Variants in HS3ST4 observed in about 807,000 individuals in gnomAD.
HS3ST4 encodes the protein heparan sulfate-glucosamine 3-sulfotransferase 4.
HS3ST4 carries 17 observed loss-of-function variants against 29.2 expected under a neutral mutation model. That is an observed-to-expected ratio of 0.58 (90% CI 0.40 to 0.87). The LOEUF is 0.87. Among genes scored for constraint, HS3ST4 ranks in the 40% least tolerant of loss-of-function variants. The pLI, the probability that HS3ST4 is intolerant of heterozygous loss-of-function variation, is 0.00. For synonymous variants in HS3ST4, 314 were observed against 285.7 expected, an observed-to-expected ratio of 1.10 and a Z score of -1.00; for missense variants, 627 against 634.5, an observed-to-expected ratio of 0.99 and a Z score of 0.13.
At chr16:26,108,890 A>G (rs748878023) in intron 1 of HS3ST4, among the ~76,000 whole-genome samples, 7 of 152,112 alleles carry the variant, frequency 4.6e-5, no homozygotes, top group Non-Finnish European at 8.8e-5. Context: ...GAATAAACGT[A>G]TGTTAGGTGT....
At chr16:25,836,524 T>C (rs117140240) in intron 1 of HS3ST4, among the ~76,000 whole-genome samples, 2,452 of 152,224 alleles carry the variant, frequency 0.016, 22 homozygotes, top group Middle Eastern at 0.024. Flanking sequence ...TAACAAATAA[T>C]TATAAATAAA....
At chr16:25,860,583 C>T (rs1013418823) in intron 1 of HS3ST4, among the ~76,000 whole-genome samples, 1 of 152,000 alleles carries the variant, frequency 6.6e-6, no homozygotes. Context: ...TATGAAGGAA[C>T]CTTAAATGCA....
intron 1 of HS3ST4, among the ~76,000 whole-genome samples, chr16:26,047,093 C>G (rs924780422): frequency 6.6e-6 from 1 of 152,162 alleles, no homozygotes; most frequent in Admixed American, 6.5e-5. Flanking sequence ...TTGCTGTGTT[C>G]CACAACTGGG....
At chr16:25,928,916 T>C (rs1051179717) in intron 1 of HS3ST4, among the ~76,000 whole-genome samples, 2 of 152,336 alleles carry the variant, frequency 1.3e-5, no homozygotes, top group Non-Finnish European at 2.9e-5. Flanking sequence ...TGGGATACTT[T>C]ACGTTGTATC....
intron 1 of HS3ST4, among the ~76,000 whole-genome samples, chr16:25,977,200 A>G (rs1437852839): frequency 1.3e-5 from 2 of 152,186 alleles, no homozygotes; most frequent in East Asian, 3.8e-4. Flanking sequence ...AATGAGGACT[A>G]ATTCTCGCTT....
intron 1 of HS3ST4, among the ~76,000 whole-genome samples, chr16:25,756,952 C>T (rs563558106): frequency 6.6e-6 from 1 of 152,308 alleles, no homozygotes; most frequent in African/African-American, 2.4e-5. Context: ...ATACATACGT[C>T]TTATCTCTTT....
At chr16:26,114,933 CTTTGGTCTT>C (rs1372722975) in intron 1 of HS3ST4, among the ~76,000 whole-genome samples, 3 of 152,110 alleles carry the variant, frequency 2.0e-5, no homozygotes, top group Admixed American at 1.3e-4. Flanking sequence ...AAGTCGCTCA[CTTTGGTCTT>C]ATTTGTCATA....
At chr16:25,821,922 T>G (rs1327797770) in intron 1 of HS3ST4, among the ~76,000 whole-genome samples, 2 of 152,216 alleles carry the variant, frequency 1.3e-5, no homozygotes, top group African/African-American at 4.8e-5. Context: ...TTTCTCTTCT[T>G]GGCAGTCACA....
At chr16:26,033,749 A>G (rs960900552) in intron 1 of HS3ST4, among the ~76,000 whole-genome samples, 2 of 152,042 alleles carry the variant, frequency 1.3e-5, no homozygotes, top group Non-Finnish European at 2.9e-5. Flanking sequence ...GACAGAAAGA[A>G]GGGAAGGAAG....
chr16:25,767,751 C>T (rs765929820), intron 1 of HS3ST4, among the ~76,000 whole-genome samples: 114 of 152,252 alleles, frequency 7.5e-4, no homozygotes, highest in Non-Finnish European at 1.3e-3. Flanking sequence ...ACATGGCAAA[C>T]GCTCAAGAGA....
At position 25,873,536 on chromosome 16, in the gene HS3ST4, ATCTTTC is replaced by A. The variant is rs1967790552; in HGVS notation, c.734+180389_734+180394del. Among the ~76,000 whole-genome samples the A allele has an allele frequency of 3.8e-5, 5 of 131,842 alleles. No individual in the cohort carries two copies. In the South Asian group the frequency reaches 1.3e-3, roughly 34 times the overall value. 86.5% of individuals were successfully genotyped at this position (131,842 alleles called of 152,430 possible). A position where few individuals can be genotyped will look rare whatever the true frequency, so the allele number is the denominator to read the frequency against. ...TATCTATCTATCTGTCTATCTATCT[ATCTTTC>A]TCTATCTATCTGTCTATACATCCAT... On this transcript the variant is annotated intron_variant, in intron 1 of 1. Transcript: ENST00000331351.
intron 1 of HS3ST4, among the ~76,000 whole-genome samples, chr16:25,777,925 A>G (rs1000754356): frequency 6.6e-6 from 1 of 152,176 alleles, no homozygotes; most frequent in Non-Finnish European, 1.5e-5. Flanking sequence ...GTTTGTTTCC[A>G]TTTGCATAGA....
At chr16:25,895,754 G>C (rs1255308083) in intron 1 of HS3ST4, among the ~76,000 whole-genome samples, 2 of 151,966 alleles carry the variant, frequency 1.3e-5, no homozygotes, top group East Asian at 3.9e-4. Flanking sequence ...GAGAGAGAGA[G>C]AGAGAGATCA....
chr16:25,783,888 A>C (rs929653157), intron 1 of HS3ST4, among the ~76,000 whole-genome samples: 2 of 151,648 alleles, frequency 1.3e-5, no homozygotes, highest in African/African-American at 4.9e-5. Context: ...CTGCAGTGCA[A>C]TTTGCAGATA....
intron 1 of HS3ST4, among the ~76,000 whole-genome samples, chr16:25,928,233 C>G (rs927655712): frequency 2.6e-5 from 4 of 151,162 alleles, no homozygotes; most frequent in African/African-American, 9.7e-5. Flanking sequence ...GGCATTGTGG[C>G]CTGTGCCTGT....
In HS3ST4 at chr16:25,890,368, G is replaced by T. The variant is rs138541022; in HGVS notation, c.734+197217G>T. Among the ~76,000 whole-genome samples, 27 of 152,306 alleles carry T rather than the reference G, an allele frequency of 1.8e-4. No homozygotes were observed. The East Asian group carries it at 5.2e-3, about 29-fold the overall frequency. On this transcript the variant is annotated intron_variant, in intron 1 of 1. Transcript: ENST00000331351. ...TATCATCTCCTAGGGTAAGGACCCA[G>T]ATGACTTTACCTTGTTAGGTCTTGG...
chr16:26,099,968 C>T (rs1898972395), intron 1 of HS3ST4, among the ~76,000 whole-genome samples: 1 of 152,178 alleles, frequency 6.6e-6, no homozygotes, highest in South Asian at 2.1e-4. Flanking sequence ...AGGGCAGAAA[C>T]TTCAAGGGGC....
chr16:26,120,310 G>T (rs1175376688), intron 1 of HS3ST4, among the ~76,000 whole-genome samples: 1 of 152,028 alleles, frequency 6.6e-6, no homozygotes, highest in Non-Finnish European at 1.5e-5. Context: ...GTGAAAGTCA[G>T]GTCTAAATAC....
intron 1 of HS3ST4, among the ~76,000 whole-genome samples, chr16:26,018,262 A>C (rs940534804): frequency 1.3e-5 from 2 of 152,328 alleles, no homozygotes; most frequent in Admixed American, 6.5e-5. Flanking sequence ...GAATGAAAGA[A>C]GTATAAATTG....
Sources: gnomAD v4.1 joint callset for allele counts (sites outside exome capture counted in the v4.1 genomes callset) on GRCh38, gnomAD v4.1.1 for gene constraint, MANE v1.5 for transcripts, NCBI Gene and HGNC (gene_info 2026-07-23, HGNC 2026-07-21) for gene names.